Variants in PHEX observed in about 807,000 individuals in gnomAD.
PHEX encodes phosphate-regulating neutral endopeptidase PHEX.
In PHEX, 16 loss-of-function variants were observed where a neutral mutation model predicts 68.0. The observed-to-expected ratio is 0.24, with a 90% CI of 0.16 to 0.36. The LOEUF is 0.36. Among genes scored for constraint, PHEX ranks in the 10% least tolerant of loss-of-function variants. The probability of loss-of-function intolerance (pLI) is 1.00; values close to 1 mark genes in which losing one functional copy is unlikely to be tolerated. For missense variants in PHEX, 480 were observed against 575.5 expected (o/e 0.83, Z 1.70); for synonymous variants, 208 against 205.1 (o/e 1.01, Z -0.12).
chrX:22,243,172 A>C (rs1415749660), intron 20 of PHEX, among the ~76,000 whole-genome samples: 8 of 111,918 alleles, frequency 7.1e-5, no homozygotes, highest in South Asian at 3.8e-4. Context: ...CAAAAACAAG[A>C]AATGGGGAAA....
At chrX:22,179,590 C>T (rs775918193) in intron 14 of PHEX, among the ~76,000 whole-genome samples, 7 of 110,823 alleles carry the variant, frequency 6.3e-5, no homozygotes, top group Admixed American at 1.9e-4. Context: ...TGTGGTTTTC[C>T]ATTCCTAAGT....
At chrX:22,103,824 G>A (rs1242705621) in intron 9 of PHEX, among the ~76,000 whole-genome samples, 1 of 112,343 alleles carries the variant, frequency 8.9e-6, no homozygotes, top group East Asian at 2.8e-4. Context: ...TAGATACCCA[G>A]TAGTGGTATT....
Position 22,090,435 on chromosome X carries a change from C to A in PHEX, c.670C>A (p.Gln224Lys), listed in dbSNP as rs948246694. The A allele has an allele frequency of 1.7e-6, 2 of 1,207,524 alleles. No homozygotes were observed. Residue 224 changes from glutamine to lysine, a missense_variant, in exon 6 of 22, where the codon CAA becomes AAA. By Grantham distance (53) the Gln-to-Lys change is moderately conservative. Coordinates refer to ENST00000379374, the MANE Select transcript of PHEX (RefSeq NM_000444.6). ...ASNEHILKLD[Q>K]ATLSLAVRED... is the part of the protein sequence containing the mutation. ...TCTGTTTTTGTTTTTACAGCTGGACCAAGCAACACTCTCCCTGGCCGTGAG... is the reference window on the plus strand; with the variant it reads ...TCTGTTTTTGTTTTTACAGCTGGACAAAGCAACACTCTCCCTGGCCGTGAG...
intron 5 of PHEX, among the ~76,000 whole-genome samples, chrX:22,080,087 G>A (rs764185192): frequency 9.0e-6 from 1 of 111,506 alleles, no homozygotes; most frequent in African/African-American, 3.3e-5. Context: ...TGATGTTGTC[G>A]TGCCCCCACA....
At chrX:22,062,370 T>C (rs1418798794) in intron 3 of PHEX, among the ~76,000 whole-genome samples, 1 of 112,030 alleles carries the variant, frequency 8.9e-6, no homozygotes, top group Non-Finnish European at 1.9e-5. Context: ...TTATGTTTTC[T>C]AGGAGCCACA....
rs139183833 is a variant in PHEX, at chrX:22,112,738, A to G, written c.1173+1178A>G. On this transcript the variant is annotated intron_variant, in intron 10 of 21. Transcript: ENST00000379374. ...GCCAACGTGGTGAAACCTCGTCTCT[A>G]CAAAAAATACAAAAATTAGCCGGGC... 7.4e-3 allele frequency among the ~76,000 whole-genome samples: 809 copies of G among 109,957 alleles called. 7 individuals carry two copies. The highest frequency in any genetic ancestry group is 0.026 in the African/African-American group (781 of 30,223).
intron 7 of PHEX, among the ~76,000 whole-genome samples, chrX:22,095,320 T>C (rs1432312606): frequency 8.9e-6 from 1 of 111,833 alleles, no homozygotes; most frequent in East Asian, 2.8e-4. Context: ...TCCAGGCACA[T>C]AGGAGGCCCA....
chrX:22,219,233 C>A lies in PHEX; in HGVS notation c.1768+130C>A, dbSNP rs777145481. On this transcript the variant is annotated intron_variant, in intron 17 of 21. Coordinates refer to ENST00000379374, the MANE Select transcript of PHEX (RefSeq NM_000444.6). ...AAGATTATCCAAAGCAATATGATTG[C>A]TGATTGAAAACTTTTCACCGTGTCT... 27 of 517,045 alleles carry A rather than the reference C, an allele frequency of 5.2e-5. No homozygotes were observed. The Admixed American group carries it at 5.9e-4, about 11-fold the overall frequency. 42.6% of individuals were successfully genotyped at this position (517,045 alleles called of 1,213,427 possible).
In PHEX at chrX:22,041,220, T is replaced by G. The variant is rs1346804832; in HGVS notation, c.187+2683T>G. Among the ~76,000 whole-genome samples the G allele has an allele frequency of 2.9e-5, 3 of 103,834 alleles. No individual in the cohort carries two copies. The East Asian group carries it at 9.1e-4, about 31-fold the overall frequency. The allele number at this position is 103,834 out of a possible 115,157, so 90.2% of individuals were successfully genotyped here. On this transcript the variant is annotated intron_variant, in intron 2 of 21. Transcript: ENST00000379374. ...AGATAATTATGTTAGTAGAGTTCTT[T>G]TTTTGTTCCATTCTTAAGTGATCTC...
chrX:22,041,003 A>G (rs1330658219), intron 2 of PHEX, among the ~76,000 whole-genome samples: 1 of 107,752 alleles, frequency 9.3e-6, no homozygotes, highest in African/African-American at 3.4e-5. Context: ...AGAGATGGAG[A>G]GGGAGAATGG....
In PHEX at chrX:22,207,199, G is replaced by A. The variant is rs547642490; in HGVS notation, c.1646-5705G>A. 6.0e-4 allele frequency among the ~76,000 whole-genome samples: 66 copies of A among 110,019 alleles called. 1 individual carries two copies. In the South Asian group the frequency reaches 0.023, roughly 38 times the overall value. On this transcript the variant is annotated intron_variant, in intron 15 of 21. Transcript: ENST00000379374. ...AAGCAGGTTCTTGTGGCTTTCCCAG[G>A]TGCAGATTTGAAAAAGACAGTATTA...
At chrX:22,235,845 A>T (rs928885563) in intron 20 of PHEX, among the ~76,000 whole-genome samples, 13 of 109,545 alleles carry the variant, frequency 1.2e-4, no homozygotes, top group Non-Finnish European at 1.9e-4. Context: ...TTTTTTTTTT[A>T]ACCACTGTTA....
intron 11 of PHEX, among the ~76,000 whole-genome samples, chrX:22,121,075 T>C (rs1280563960): frequency 8.9e-6 from 1 of 112,366 alleles, no homozygotes; most frequent in Non-Finnish European, 1.9e-5. Context: ...TATTTTTTGC[T>C]GCTCCCTCAA....
intron 12 of PHEX, among the ~76,000 whole-genome samples, chrX:22,166,553 CATG>C (rs1161778955): frequency 3.6e-5 from 4 of 110,498 alleles, no homozygotes. Flanking sequence ...TGATGTACAA[CATG>C]ATGTTTTGAT....
At chrX:22,227,366 A>G in intron 19 of PHEX, 141 bp from the exon 20 acceptor site, 1 of 512,679 alleles carries the variant, frequency 2.0e-6, no homozygotes, top group Non-Finnish European at 3.6e-6. Flanking sequence ...GCAACAGGAC[A>G]TGGACTTGTG....
chrX:22,134,778 C>T lies in PHEX; in HGVS notation c.1404+1154C>T, dbSNP rs187463164. On this transcript the variant is annotated intron_variant, in intron 12 of 21. Transcript: ENST00000379374. ...ATAACAATCACCTGGGTTGCCTGGA[C>T]GCTCTGGCTTTCTGGGCCCCTTCCC... is the stretch of plus-strand genomic sequence containing the variant. Among the ~76,000 whole-genome samples the T allele has an allele frequency of 9.0e-5, 10 of 111,670 alleles. No homozygotes were observed. In the East Asian group the frequency reaches 2.0e-3, roughly 22 times the overall value.
intron 18 of PHEX, among the ~76,000 whole-genome samples, chrX:22,225,369 T>C (rs1376153784): frequency 3.6e-5 from 4 of 111,655 alleles, no homozygotes; most frequent in Non-Finnish European, 5.6e-5. Context: ...CCTCTGTGCC[T>C]GAATCTTTCT....
At chrX:22,165,759 A>C (rs1327315573) in intron 12 of PHEX, among the ~76,000 whole-genome samples, 1 of 111,998 alleles carries the variant, frequency 8.9e-6, no homozygotes, top group Admixed American at 9.5e-5. Flanking sequence ...TGAAACCCAG[A>C]ATCTGGAGAA....
At chrX:22,214,624 T>C (rs1029176052) in intron 16 of PHEX, among the ~76,000 whole-genome samples, 2 of 111,705 alleles carry the variant, frequency 1.8e-5, no homozygotes, top group Non-Finnish European at 3.8e-5. Flanking sequence ...CCTTCCATCA[T>C]TGATTGAGGG....
Sources: gnomAD v4.1 joint callset for allele counts (sites outside exome capture counted in the v4.1 genomes callset) on GRCh38, gnomAD v4.1.1 for gene constraint, MANE v1.5 for transcripts, NCBI Gene and HGNC (gene_info 2026-07-23, HGNC 2026-07-21) for gene names.